The following GPC6 variants were observed in gnomAD, a reference collection of about 807,000 sequenced individuals.
The protein encoded by GPC6 is glypican 6, also known as glypican-6.
In GPC6, 14 loss-of-function variants were observed where a neutral mutation model predicts 55.2. The ratio of observed to expected loss-of-function variants is 0.25; its 90% confidence interval spans 0.17 to 0.40. The LOEUF (loss-of-function observed/expected upper bound fraction) is 0.40, where lower values mean the gene tolerates loss of function less well. Ranked by LOEUF, GPC6 falls within the 10% of genes least tolerant of loss-of-function variation. The pLI is 1.00. For missense variants in GPC6, 641 were observed against 708.5 expected, an observed-to-expected ratio of 0.90 and a Z score of 1.08; for synonymous variants, 278 against 259.6, an observed-to-expected ratio of 1.07 and a Z score of -0.68.
chr13:93,673,559 G>T (rs1881461213), intron 2 of GPC6, among the ~76,000 whole-genome samples: 1 of 152,054 alleles, frequency 6.6e-6, no homozygotes, highest in Non-Finnish European at 1.5e-5. Context: ...ATATAACGTT[G>T]CCTTGCCCCT....
chr13:94,272,860 A>G (rs935790852), intron 4 of GPC6, among the ~76,000 whole-genome samples: 2 of 152,074 alleles, frequency 1.3e-5, no homozygotes, highest in African/African-American at 4.8e-5. Context: ...ACAGAGACTC[A>G]GGCCACGGTC....
At chr13:93,514,071 A>G (rs1881089730) in intron 1 of GPC6, among the ~76,000 whole-genome samples, 1 of 151,920 alleles carries the variant, frequency 6.6e-6, no homozygotes, top group Non-Finnish European at 1.5e-5. Flanking sequence ...ACAGAGTTTC[A>G]CCGTGTTGGC....
chr13:93,268,571 A>G (rs1318117006), intron 1 of GPC6, among the ~76,000 whole-genome samples: 1 of 152,052 alleles, frequency 6.6e-6, no homozygotes, highest in Non-Finnish European at 1.5e-5. Context: ...GTAAAGACCA[A>G]TTCTCGGTGA....
chr13:93,895,218 A>ATGTGTGTGTG (rs1299548089), intron 3 of GPC6, among the ~76,000 whole-genome samples: 2 of 60,444 alleles, frequency 3.3e-5, no homozygotes, highest in Admixed American at 2.1e-4. Context: ...GTGTGTGTGT[A>ATGTGTGTGTG]TGTATGTGTG....
At chr13:94,136,494 A>C (rs1344458068) in intron 4 of GPC6, among the ~76,000 whole-genome samples, 3 of 152,194 alleles carry the variant, frequency 2.0e-5, no homozygotes, top group African/African-American at 7.2e-5. Flanking sequence ...GCAGATCACG[A>C]GGTCAGGAGA....
intron 2 of GPC6, among the ~76,000 whole-genome samples, chr13:93,720,415 C>A (rs1883413620): frequency 6.6e-6 from 1 of 151,910 alleles, no homozygotes; most frequent in Non-Finnish European, 1.5e-5. Context: ...GTGATGATAT[C>A]CCCTTTATCA....
At chr13:93,542,247 G>C (rs1391535189) in intron 1 of GPC6, among the ~76,000 whole-genome samples, 2 of 152,172 alleles carry the variant, frequency 1.3e-5, no homozygotes, top group Admixed American at 6.5e-5. Context: ...CATATGGCTA[G>C]CCAGTTTTCC....
intron 6 of GPC6, among the ~76,000 whole-genome samples, chr13:94,379,403 C>G (rs1257536996): frequency 6.6e-6 from 1 of 152,268 alleles, no homozygotes; most frequent in Admixed American, 6.5e-5. Context: ...AATGAAAACG[C>G]ACAGCTACTG....
chr13:94,255,654 A>G (rs904470924), intron 4 of GPC6, among the ~76,000 whole-genome samples: 1 of 152,040 alleles, frequency 6.6e-6, no homozygotes, highest in African/African-American at 2.4e-5. Context: ...GGCCTCATCA[A>G]TCCTCATAAC....
intron 4 of GPC6, among the ~76,000 whole-genome samples, chr13:94,168,295 G>A (rs72645975): frequency 0.029 from 4,429 of 152,234 alleles, 97 homozygotes; most frequent in Admixed American, 0.058. Context: ...CTGCTATCTC[G>A]GAGATTCTAT....
At chr13:93,940,216 T>C (rs1469131483) in intron 3 of GPC6, among the ~76,000 whole-genome samples, 3 of 152,188 alleles carry the variant, frequency 2.0e-5, no homozygotes, top group African/African-American at 7.2e-5. Flanking sequence ...TAATGCACTG[T>C]TTTTAATTTA....
intron 2 of GPC6, among the ~76,000 whole-genome samples, chr13:93,577,371 A>G (rs1479888214): frequency 2.6e-5 from 4 of 152,140 alleles, no homozygotes; most frequent in African/African-American, 4.8e-5. Context: ...ACAAAAGCAC[A>G]TGGCTATGTG....
chr13:93,549,338 A>G (rs1199720449), intron 2 of GPC6, among the ~76,000 whole-genome samples: 1 of 152,146 alleles, frequency 6.6e-6, no homozygotes, highest in Non-Finnish European at 1.5e-5. Context: ...TAGCCTGTCA[A>G]ATTGGCATTT....
chr13:93,436,338 G>T (rs1409332318), intron 1 of GPC6, among the ~76,000 whole-genome samples: 3 of 152,024 alleles, frequency 2.0e-5, no homozygotes, highest in Non-Finnish European at 4.4e-5. Flanking sequence ...AATAAATCAG[G>T]CATTTTCTTG....
rs183502739 is a variant in GPC6, at chr13:94,124,591, G to C, written c.877+96697G>C. ...GGTAAACATTGACATTTGGGAGGAG[G>C]TATAGAGTAAAAGGGGGAAACGGGT... On this transcript the variant is annotated intron_variant, in intron 4 of 8. Coordinates refer to ENST00000377047, the MANE Select transcript of GPC6 (RefSeq NM_005708.5). Among the ~76,000 whole-genome samples the C allele has an allele frequency of 3.4e-4, 51 of 152,122 alleles. 1 individual carries two copies. The highest frequency in any genetic ancestry group is 7.2e-4 in the African/African-American group (30 of 41,512).
At chr13:94,214,286 C>T (rs993004219) in intron 4 of GPC6, among the ~76,000 whole-genome samples, 20 of 152,278 alleles carry the variant, frequency 1.3e-4, no homozygotes, top group Admixed American at 9.8e-4. Flanking sequence ...AAGGGATGTT[C>T]GTTCTTTTGT....
At chr13:93,283,146 A>G (rs1353241497) in intron 1 of GPC6, among the ~76,000 whole-genome samples, 4 of 152,130 alleles carry the variant, frequency 2.6e-5, no homozygotes, top group African/African-American at 9.7e-5. Context: ...ATTTTTTAGT[A>G]TTACCTATTG....
intron 4 of GPC6, among the ~76,000 whole-genome samples, chr13:94,158,596 G>A (rs1278621354): frequency 5.3e-5 from 8 of 152,118 alleles, no homozygotes; most frequent in Admixed American, 6.6e-5. Context: ...AGGGAAAAGA[G>A]AAACAGAAAA....
chr13:93,237,911 T>C (rs533430191), intron 1 of GPC6, among the ~76,000 whole-genome samples: 79 of 152,162 alleles, frequency 5.2e-4, no homozygotes, highest in Non-Finnish European at 8.4e-4. Context: ...CTCTATTCTG[T>C]TCTATTGGTC....
Sources: allele counts gnomAD v4.1 joint callset (sites outside exome capture counted in the v4.1 genomes callset), GRCh38; gene constraint gnomAD v4.1.1; transcripts MANE v1.5; gene names NCBI Gene and HGNC (gene_info 2026-07-23, HGNC 2026-07-21).